The following RBFOX1 variants were observed in gnomAD, a reference collection of about 807,000 sequenced individuals.
RBFOX1 encodes RNA binding protein fox-1 homolog 1.
Under a neutral mutation model 57.7 loss-of-function variants are expected in RBFOX1, and 8 were observed. The ratio of observed to expected loss-of-function variants is 0.14; its 90% CI spans 0.08 to 0.25. RBFOX1 has a LOEUF of 0.25. Among genes scored for constraint, RBFOX1 ranks in the 10% least tolerant of loss-of-function variants. The probability of loss-of-function intolerance (pLI) is 1.00; values close to 1 mark genes in which losing one functional copy is unlikely to be tolerated. For missense variants in RBFOX1, 611 were observed against 548.5 expected (o/e 1.11, Z -1.14); for synonymous variants, 326 against 222.4 (o/e 1.47, Z -4.15).
intron 4 of RBFOX1, among the ~76,000 whole-genome samples, chr16:7,406,229 C>A (rs1196322064): frequency 6.6e-6 from 1 of 152,156 alleles, no homozygotes; most frequent in Non-Finnish European, 1.5e-5. Flanking sequence ...ACATCCCCAC[C>A]AAGGATTAAA....
chr16:6,816,607 G>T (rs1409216311), intron 3 of RBFOX1, among the ~76,000 whole-genome samples: 1 of 151,646 alleles, frequency 6.6e-6, no homozygotes, highest in African/African-American at 2.4e-5. Flanking sequence ...AGGCGTGGTG[G>T]CGGGCACCTG....
At chr16:7,424,491 C>T (rs1201234959) in intron 4 of RBFOX1, among the ~76,000 whole-genome samples, 3 of 152,136 alleles carry the variant, frequency 2.0e-5, no homozygotes, top group African/African-American at 4.8e-5. Context: ...AACTCCTGGC[C>T]TCATGTGATC....
chr16:6,593,328 C>G (rs966904053), intron 2 of RBFOX1, among the ~76,000 whole-genome samples: 1 of 152,168 alleles, frequency 6.6e-6, no homozygotes, highest in Non-Finnish European at 1.5e-5. Flanking sequence ...GTGTTATAAT[C>G]AGTTCAGGCA....
intron 1 of RBFOX1, among the ~76,000 whole-genome samples, chr16:5,454,520 A>G (rs368894988): frequency 1.3e-5 from 2 of 152,306 alleles, no homozygotes; most frequent in East Asian, 1.9e-4. Flanking sequence ...GCCCTCTACA[A>G]TGTGGGTGGG....
intron 1 of RBFOX1, among the ~76,000 whole-genome samples, chr16:6,296,823 G>A (rs1298963869): frequency 2.0e-5 from 3 of 152,282 alleles, no homozygotes; most frequent in East Asian, 3.9e-4. Context: ...ACCACACCGA[G>A]GTACCGGTAC....
intron 2 of RBFOX1, among the ~76,000 whole-genome samples, chr16:6,349,305 G>A (rs2085888406): frequency 6.6e-6 from 1 of 152,064 alleles, no homozygotes; most frequent in Non-Finnish European, 1.5e-5. Context: ...TGATAAGGAG[G>A]CTGACATTTT....
chr16:7,302,070 T>C (rs1278591154), intron 4 of RBFOX1, among the ~76,000 whole-genome samples: 16 of 152,136 alleles, frequency 1.1e-4, no homozygotes, highest in Admixed American at 1.0e-3. Context: ...ATAAAAGCAG[T>C]ACAGAATAGC....
intron 4 of RBFOX1, among the ~76,000 whole-genome samples, chr16:7,215,843 G>A (rs2091946300): frequency 6.6e-6 from 1 of 150,880 alleles, no homozygotes; most frequent in Admixed American, 6.6e-5. Context: ...TCCTGCCTCA[G>A]CCTCCCGATT....
intron 2 of RBFOX1, among the ~76,000 whole-genome samples, chr16:6,651,948 G>T (rs1056804618): frequency 1.3e-5 from 2 of 152,180 alleles, no homozygotes; most frequent in African/African-American, 4.8e-5. Context: ...ATTATGCTAA[G>T]TGAAATAAGC....
rs375140943 is a variant in RBFOX1 at position 6,203,146 on chromosome 16, T to C, written c.-126-113849T>C. Among the ~76,000 whole-genome samples the C allele has an allele frequency of 3.0e-4, 45 of 152,228 alleles. 1 individual carries two copies. The South Asian group carries it at 9.1e-3, about 31-fold the overall frequency. ...TCCAGCCTCATAGCAAATTTTTAAG[T>C]CTACAACACAGTATAATTAACCATA... On this transcript the variant is annotated intron_variant, in intron 1 of 15. Transcript: ENST00000550418.
chr16:7,343,914 A>G (rs927247668), intron 4 of RBFOX1, among the ~76,000 whole-genome samples: 1 of 152,172 alleles, frequency 6.6e-6, no homozygotes, highest in Admixed American at 6.5e-5. Context: ...TGGCACATAG[A>G]AAGTCCTCAA....
intron 5 of RBFOX1, among the ~76,000 whole-genome samples, chr16:7,521,545 G>A (rs1343518560): frequency 2.0e-5 from 3 of 152,172 alleles, no homozygotes; most frequent in East Asian, 3.9e-4. Context: ...TTTAAATAGC[G>A]TGTTGGGTGT....
chr16:6,561,087 G>C (rs2097173729), intron 2 of RBFOX1, among the ~76,000 whole-genome samples: 1 of 152,154 alleles, frequency 6.6e-6, no homozygotes, highest in Non-Finnish European at 1.5e-5. Flanking sequence ...TTTTTCATTA[G>C]TGCTGTTTTA....
intron 11 of RBFOX1, among the ~76,000 whole-genome samples, chr16:7,649,290 C>T (rs900350172): frequency 1.3e-5 from 2 of 152,162 alleles, no homozygotes; most frequent in Non-Finnish European, 2.9e-5. Flanking sequence ...TTCTTAATTA[C>T]TATATTTTGC....
chr16:6,704,106 C>G (rs888994946), intron 3 of RBFOX1: 1 of 152,214 alleles, frequency 6.6e-6, no homozygotes, highest in Non-Finnish European at 1.5e-5. Flanking sequence ...CCTTGCTCTT[C>G]TAATTTCTTA....
intron 4 of RBFOX1, among the ~76,000 whole-genome samples, chr16:7,053,271 A>C (rs1423748661): frequency 3.9e-5 from 6 of 152,202 alleles, no homozygotes; most frequent in African/African-American, 7.2e-5. Flanking sequence ...TGTTTTATGC[A>C]GTATCTCAGT....
chr16:5,994,973 C>G (rs1302224139), intron 4 of RBFOX1, among the ~76,000 whole-genome samples: 2 of 152,210 alleles, frequency 1.3e-5, no homozygotes, highest in Non-Finnish European at 2.9e-5. Flanking sequence ...GCCCCAGCTT[C>G]AGGCTCCTCT....
At chr16:7,092,546 T>A (rs2061033640) in intron 4 of RBFOX1, among the ~76,000 whole-genome samples, 2 of 152,226 alleles carry the variant, frequency 1.3e-5, no homozygotes, top group African/African-American at 4.8e-5. Flanking sequence ...AACCAATTCT[T>A]TGATTATCAG....
At chr16:6,616,190 C>A (rs2098138495) in intron 2 of RBFOX1, among the ~76,000 whole-genome samples, 1 of 152,086 alleles carries the variant, frequency 6.6e-6, no homozygotes, top group African/African-American at 2.4e-5. Flanking sequence ...CTTTTCTGTT[C>A]TTTGGTAACT....
Sources: allele counts gnomAD v4.1 joint callset (sites outside exome capture counted in the v4.1 genomes callset), GRCh38; gene constraint gnomAD v4.1.1; transcripts MANE v1.5; gene names NCBI Gene and HGNC (gene_info 2026-07-23, HGNC 2026-07-21).